Variants in RAB40B observed in about 807,000 individuals in gnomAD.
RAB40B encodes ras-related protein Rab-40B.
In RAB40B, 21 loss-of-function variants were observed where a neutral mutation model predicts 24.0. The observed-to-expected ratio is 0.88, with a 90% CI of 0.62 to 1.26. RAB40B has a LOEUF of 1.26. RAB40B is among the 50% of genes most tolerant of loss of function. The pLI is 0.00. For missense variants in RAB40B, 348 were observed against 390.5 expected (o/e 0.89, Z 0.92); for synonymous variants, 167 against 169.8 (o/e 0.98, Z 0.13).
chr17:82,660,534 GCA>G (rs1305187732), intron 3 of RAB40B, among the ~76,000 whole-genome samples: 2 of 148,668 alleles, frequency 1.3e-5, no homozygotes, highest in African/African-American at 5.0e-5. Flanking sequence ...CATACACAGT[GCA>G]CATACCTACA....
chr17:82,687,049 G>A (rs2046509838), intron 1 of RAB40B, among the ~76,000 whole-genome samples: 2 of 152,140 alleles, frequency 1.3e-5, no homozygotes, highest in Non-Finnish European at 2.9e-5. Flanking sequence ...CAGAGGTCAA[G>A]GGCATGGAAG....
intron 1 of RAB40B, among the ~76,000 whole-genome samples, chr17:82,679,775 G>GCTA (rs1281841716): frequency 6.8e-4 from 104 of 152,290 alleles, no homozygotes; most frequent in Admixed American, 3.6e-3. Flanking sequence ...CCAAGCACAG[G>GCTA]GCAGGGGCCA....
At chr17:82,685,816 T>A (rs1434699127) in intron 1 of RAB40B, among the ~76,000 whole-genome samples, 2 of 151,842 alleles carry the variant, frequency 1.3e-5, no homozygotes, top group Non-Finnish European at 2.9e-5. Flanking sequence ...CTTTTTTTTT[T>A]TTTTTGAGAC....
At chr17:82,658,940 A>T in intron 4 of RAB40B, 1 of 528,776 alleles carries the variant, frequency 1.9e-6, no homozygotes, top group East Asian at 3.1e-5. Flanking sequence ...GGGAGAAGAG[A>T]AGACACAGAC....
At chr17:82,665,249 T>A (rs1007196555) in intron 1 of RAB40B, among the ~76,000 whole-genome samples, 8 of 104,024 alleles carry the variant, frequency 7.7e-5, no homozygotes, top group Non-Finnish European at 6.1e-5. Flanking sequence ...CGAGAATGCC[T>A]TTCTTCTTCT....
chr17:82,669,875 C>T (rs911560844), intron 1 of RAB40B, among the ~76,000 whole-genome samples: 1 of 152,168 alleles, frequency 6.6e-6, no homozygotes, highest in African/African-American at 2.4e-5. Flanking sequence ...GCGTGAAACA[C>T]AAACAATAAA....
At chr17:82,685,667 TCTTC>T (rs2046492285) in intron 1 of RAB40B, among the ~76,000 whole-genome samples, 1 of 152,220 alleles carries the variant, frequency 6.6e-6, no homozygotes. Context: ...GGTGCCCAGC[TCTTC>T]CTTCATGAGA....
chr17:82,676,854 G>A (rs2046399474), intron 1 of RAB40B, among the ~76,000 whole-genome samples: 1 of 151,992 alleles, frequency 6.6e-6, no homozygotes, highest in Non-Finnish European at 1.5e-5. Flanking sequence ...TCGAACTCCT[G>A]ACCTCAGGTG....
intron 1 of RAB40B, among the ~76,000 whole-genome samples, chr17:82,690,220 T>C (rs1286542086): frequency 6.6e-6 from 1 of 150,420 alleles, no homozygotes; most frequent in African/African-American, 2.5e-5. Flanking sequence ...ATCTGCAGAA[T>C]TGGAGGGAGC....
chr17:82,682,200 T>C (rs1421716284), intron 1 of RAB40B, among the ~76,000 whole-genome samples: 1 of 151,686 alleles, frequency 6.6e-6, no homozygotes, highest in Non-Finnish European at 1.5e-5. Context: ...CTATTAGAAC[T>C]CATAAGTGAA....
At chr17:82,670,600 T>C (rs992282247) in intron 1 of RAB40B, among the ~76,000 whole-genome samples, 3 of 150,830 alleles carry the variant, frequency 2.0e-5, no homozygotes, top group Admixed American at 2.0e-4. Context: ...AGTGGCGCGA[T>C]CTCAGCTCAT....
chr17:82,661,696 G>A (rs2046174566), intron 2 of RAB40B, among the ~76,000 whole-genome samples: 1 of 152,078 alleles, frequency 6.6e-6, no homozygotes, highest in Non-Finnish European at 1.5e-5. Flanking sequence ...AGACCAGCCT[G>A]GCCAACATAG....
intron 4 of RAB40B, 52 bp downstream of exon 4, chr17:82,659,528 A>G: frequency 6.3e-7 from 1 of 1,582,672 alleles, no homozygotes. Context: ...TCCTGGCCTG[A>G]CGTCCTCCCA....
At chr17:82,689,488 G>C (rs2046534185) in intron 1 of RAB40B, among the ~76,000 whole-genome samples, 1 of 152,222 alleles carries the variant, frequency 6.6e-6, no homozygotes. Flanking sequence ...AGAAGTAACA[G>C]GTCAAGCTAA....
chr17:82,687,090 G>A (rs2046510632), intron 1 of RAB40B, among the ~76,000 whole-genome samples: 1 of 149,872 alleles, frequency 6.7e-6, no homozygotes, highest in South Asian at 2.1e-4. Flanking sequence ...CCACACCCCC[G>A]ATGATGCCCA....
At chr17:82,658,979 C>G in intron 4 of RAB40B, 1 of 458,164 alleles carries the variant, frequency 2.2e-6, no homozygotes, top group Non-Finnish European at 3.9e-6. Flanking sequence ...TACGCGAAGG[C>G]AGAGGCTGGA....
chr17:82,662,065 G>A (rs1012351144), intron 2 of RAB40B: 16 of 985,256 alleles, frequency 1.6e-5, no homozygotes, highest in Admixed American at 6.1e-5. Flanking sequence ...GGCTGGCCCC[G>A]CACACGAGAC....
At chr17:82,659,954 G>C (rs1282850446) in intron 3 of RAB40B, among the ~76,000 whole-genome samples, 1 of 152,218 alleles carries the variant, frequency 6.6e-6, no homozygotes, top group Non-Finnish European at 1.5e-5. Context: ...GAGGAGTGTG[G>C]CCCACTCACC....
chr17:82,659,332 C>G, intron 4 of RAB40B: 5 of 513,682 alleles, frequency 9.7e-6, no homozygotes, highest in Admixed American at 3.4e-5. Flanking sequence ...CACGCATAGC[C>G]GAGGTACGCC....
Sources: gnomAD v4.1 joint callset for allele counts (sites outside exome capture counted in the v4.1 genomes callset) on GRCh38, gnomAD v4.1.1 for gene constraint, MANE v1.5 for transcripts, NCBI Gene and HGNC (gene_info 2026-07-23, HGNC 2026-07-21) for gene names.